Variants in TAF2 observed in about 807,000 individuals in gnomAD.
The protein encoded by TAF2 is transcription initiation factor TFIID subunit 2.
TAF2 carries 61 observed loss-of-function variants against 138.5 expected under a neutral mutation model. The observed-to-expected ratio is 0.44, with a 90% CI of 0.36 to 0.54. TAF2 has a LOEUF of 0.54. Ranked by LOEUF, TAF2 falls within the 20% of genes least tolerant of loss-of-function variation. The pLI is 0.00. For missense variants in TAF2, 1,090 were observed against 1,427.9 expected, an observed-to-expected ratio of 0.76 and a Z score of 3.81; for synonymous variants, 475 against 469.9, an observed-to-expected ratio of 1.01 and a Z score of -0.14.
chr8:119,780,073 T>C (rs139266880), intron 17 of TAF2, among the ~76,000 whole-genome samples: 8 of 152,170 alleles, frequency 5.3e-5, no homozygotes, highest in African/African-American at 9.7e-5. Context: ...CTTGAAAGAA[T>C]AGGCTTCATT....
chr8:119,793,882 G>A (rs1823621587), intron 9 of TAF2, among the ~76,000 whole-genome samples: 1 of 146,824 alleles, frequency 6.8e-6, no homozygotes, highest in African/African-American at 2.5e-5. Context: ...TTTTAAAAAG[G>A]GGGATTTTTT....
intron 15 of TAF2, among the ~76,000 whole-genome samples, chr8:119,784,143 T>C (rs1822858447): frequency 6.6e-6 from 1 of 152,134 alleles, no homozygotes; most frequent in Non-Finnish European, 1.5e-5. Context: ...GTTTAAAAAA[T>C]CTAGTCTATG....
intron 25 of TAF2, among the ~76,000 whole-genome samples, chr8:119,735,039 CAA>C (rs1250857627): frequency 6.6e-6 from 1 of 152,088 alleles, no homozygotes; most frequent in African/African-American, 2.4e-5. Flanking sequence ...GGAATTAAGT[CAA>C]AGAGAGATTT....
intron 4 of TAF2, among the ~76,000 whole-genome samples, chr8:119,805,033 C>T (rs1198593489): frequency 6.6e-6 from 1 of 152,176 alleles, no homozygotes; most frequent in Non-Finnish European, 1.5e-5. Flanking sequence ...ACAAACCCTA[C>T]CCCGTCCCCA....
intron 7 of TAF2, among the ~76,000 whole-genome samples, 161 bp from the exon 8 acceptor site, chr8:119,797,264 G>C (rs1218542807): frequency 6.6e-6 from 1 of 151,974 alleles, no homozygotes; most frequent in African/African-American, 2.4e-5. Context: ...CATCATCTTA[G>C]TAACTTGCTT....
At chr8:119,821,880 T>C (rs955950218) in intron 2 of TAF2, among the ~76,000 whole-genome samples, 1 of 152,018 alleles carries the variant, frequency 6.6e-6, no homozygotes, top group Non-Finnish European at 1.5e-5. Flanking sequence ...GTACATAAAC[T>C]ATTAAAAAAT....
chr8:119,814,113 G>C (rs1163432806), intron 3 of TAF2, among the ~76,000 whole-genome samples: 2 of 151,862 alleles, frequency 1.3e-5, no homozygotes, highest in Non-Finnish European at 2.9e-5. Flanking sequence ...ACAGAGCAAG[G>C]CTCTGTCTTT....
intron 25 of TAF2, 91 bp from the exon 26 acceptor site, chr8:119,732,277 G>C (rs1587628184): frequency 1.6e-6 from 2 of 1,234,296 alleles, no homozygotes; most frequent in East Asian, 4.6e-5. Flanking sequence ...TATGTAAAGA[G>C]GGATTCCTAA....
At chr8:119,756,154 T>A (rs754885212) in intron 21 of TAF2, 39 bp from the exon 22 acceptor site, 2 of 1,429,960 alleles carry the variant, frequency 1.4e-6, no homozygotes, top group Non-Finnish European at 2.0e-6. Flanking sequence ...GCTGACCTTT[T>A]ACTGACAGAT....
At chr8:119,760,504 G>T in intron 20 of TAF2, 95 bp downstream of exon 20, 1 of 1,342,122 alleles carries the variant, frequency 7.5e-7, no homozygotes, top group Non-Finnish European at 1.0e-6. Flanking sequence ...TAAAATATCT[G>T]TGTTATACAT....
chr8:119,793,289 T>C (rs1049932317), intron 10 of TAF2, 77 bp downstream of exon 10: 2 of 1,243,786 alleles, frequency 1.6e-6, no homozygotes, highest in Non-Finnish European at 2.3e-6. Context: ...TACAATGAAA[T>C]ACTATTTAGC....
At chr8:119,829,038 T>C (rs1315409237) in intron 2 of TAF2, among the ~76,000 whole-genome samples, 4 of 152,198 alleles carry the variant, frequency 2.6e-5, no homozygotes, top group African/African-American at 9.6e-5. Context: ...ACTTTGTAAG[T>C]TCCCCATGTT....
At chr8:119,792,776 TC>T (rs1326828174) in intron 10 of TAF2, among the ~76,000 whole-genome samples, 1 of 152,122 alleles carries the variant, frequency 6.6e-6, no homozygotes, top group Non-Finnish European at 1.5e-5. Context: ...TGCCCTGCCA[TC>T]CCTTCCACCT....
intron 3 of TAF2, among the ~76,000 whole-genome samples, chr8:119,811,805 C>CAAAAAA (rs771523182): frequency 3.3e-5 from 2 of 60,318 alleles, no homozygotes; most frequent in African/African-American, 6.3e-5. Flanking sequence ...GACTCCGTCT[C>CAAAAAA]AAAAAAAAAA....
chr8:119,755,173 C>T (rs1309165300), intron 22 of TAF2, among the ~76,000 whole-genome samples: 1 of 152,234 alleles, frequency 6.6e-6, no homozygotes, highest in African/African-American at 2.4e-5. Flanking sequence ...CTCCTAAACA[C>T]TGTTTTCTTA....
rs974507041 is a variant in TAF2 at position 119,819,359 on chromosome 8, T to G, written c.286A>C (p.Ser96Arg). 1 of 1,612,966 alleles carries G rather than the reference T, an allele frequency of 6.2e-7. No individual in the cohort carries two copies. The highest frequency in any genetic ancestry group is 8.5e-7 in the Non-Finnish European group (1 of 1,179,632). ...TGCATAACTTACTGTTTTGATTCAC[T>G]GTGACAAACTTCCAAGGTTGGGTCA... ...YNDPTLEVCH[S>R]ESKQRNLNYF... Residue 96 changes from serine to arginine, a missense_variant, in exon 3 of 26, where the codon AGT (serine) becomes CGT (arginine). By Grantham distance (110) the Ser-to-Arg change is moderately radical. Coordinates refer to ENST00000378164, the MANE Select transcript of TAF2 (RefSeq NM_003184.4).
chr8:119,750,223 C>T (rs993821366), intron 22 of TAF2, among the ~76,000 whole-genome samples: 1 of 152,162 alleles, frequency 6.6e-6, no homozygotes, highest in African/African-American at 2.4e-5. Flanking sequence ...CGCCTGTAGT[C>T]CCAGCTACTC....
chr8:119,732,007 T>C lies in TAF2; in HGVS notation c.3517A>G (p.Ser1173Gly). Residue 1173 changes from serine (S) to glycine (G), a missense_variant, in exon 26 of 26, where the codon AGT becomes GGT. By Grantham distance (56) the Ser-to-Gly change is moderately conservative. This residue lies in a region of TAF2 where 580 missense variants were observed against 719.6 expected (regional missense o/e 0.81). Coordinates refer to ENST00000378164, the MANE Select transcript of TAF2 (RefSeq NM_003184.4). The stretch of plus-strand genomic sequence containing the variant: ...AAAGGCTCCTTGTCCTTTTCTTTAC[T>C]GTCATGCTTATGCTTGTGTTTGTGC... ...HKHKHKHKHD[S>G]KEKDKEPFTF... 1.9e-6 allele frequency: 3 copies of C among 1,614,252 alleles called. No individual in the cohort carries two copies. The highest frequency in any genetic ancestry group is 2.5e-6 in the Non-Finnish European group (3 of 1,180,046).
rs545516728 is a variant in TAF2 at position 119,763,551 on chromosome 8, G to A, written c.2365-943C>T. 3.9e-5 allele frequency among the ~76,000 whole-genome samples: 6 copies of A among 152,120 alleles called. No individual in the cohort carries two copies. The South Asian group carries it at 1.2e-3, about 32-fold the overall frequency. The stretch of plus-strand genomic sequence containing the variant: ...TCGAGACCAGCCTGGCCAACATGGT[G>A]AAACCCCATCTCTACTAAAAATACA... On this transcript the variant is annotated intron_variant, in intron 18 of 25. Transcript: ENST00000378164.
Sources: gnomAD v4.1 joint callset for allele counts (sites outside exome capture counted in the v4.1 genomes callset) on GRCh38, gnomAD v4.1.1 for gene constraint, gnomAD v4.1.1 regional missense constraint, MANE v1.5 for transcripts, NCBI Gene and HGNC (gene_info 2026-07-23, HGNC 2026-07-21) for gene names.